The following MTCL2 variants were observed in gnomAD, a reference collection of about 807,000 sequenced individuals.
The protein encoded by MTCL2 is microtubule crosslinking factor 2.
chr20:36,815,733 T>C, the MTCL2 span: 1 of 1,594,760 alleles, frequency 6.3e-7, no homozygotes, highest in Non-Finnish European at 8.5e-7. This position sits in a 1 kb window ranked among gnomAD's most constrained non-coding sequence, Gnocchi z 5.3. Flanking sequence ...CAGCTCCTCC[T>C]GTGAAGGTTC....
chr20:36,863,229 G>C, the MTCL2 span: 73 of 1,201,540 alleles, frequency 6.1e-5, no homozygotes, highest in Non-Finnish European at 7.1e-5. The surrounding 1 kb of genome is among the most constrained non-coding windows in gnomAD (Gnocchi z 6.2). Context: ...CACGTCTTTG[G>C]GCCGGGCCGG....
At chr20:36,850,204 G>GCCTCCGT in the MTCL2 span, among the ~76,000 whole-genome samples, 14 of 152,156 alleles carry the variant, frequency 9.2e-5, no homozygotes, top group African/African-American at 3.4e-4. Flanking sequence ...TACTGCCTGG[G>GCCTCCGT]ACTCCTACTC....
chr20:36,832,319 C>T, the MTCL2 span, among the ~76,000 whole-genome samples: 7 of 152,306 alleles, frequency 4.6e-5, no homozygotes, highest in Admixed American at 1.3e-4. Context: ...TCTCCACCTG[C>T]GGGGATGCCC....
chr20:36,850,627 G>A, the MTCL2 span, among the ~76,000 whole-genome samples: 1 of 152,134 alleles, frequency 6.6e-6, no homozygotes, highest in Non-Finnish European at 1.5e-5. Flanking sequence ...TGCCTATGGT[G>A]GGCCAGATCC....
At chr20:36,863,472 C>A in the MTCL2 span, 1 of 636,290 alleles carries the variant, frequency 1.6e-6, no homozygotes, top group Non-Finnish European at 2.1e-6. This position sits in a 1 kb window ranked among gnomAD's most constrained non-coding sequence, Gnocchi z 6.2. Context: ...CACCTCGGCC[C>A]CGACACCGCG....
At chr20:36,841,874 G>GGTGGGT in the MTCL2 span, among the ~76,000 whole-genome samples, 1 of 110,768 alleles carries the variant, frequency 9.0e-6, no homozygotes, top group African/African-American at 3.2e-5. Context: ...TGGGGGGTGG[G>GGTGGGT]GTGTGTGTGT....
the MTCL2 span, among the ~76,000 whole-genome samples, chr20:36,796,512 T>C: frequency 6.6e-6 from 1 of 152,160 alleles, no homozygotes; most frequent in Non-Finnish European, 1.5e-5. Flanking sequence ...AGGATGCTGC[T>C]CAATAATCCC....
At chr20:36,812,761 G>T in the MTCL2 span, 1 of 1,613,964 alleles carries the variant, frequency 6.2e-7, no homozygotes, top group Non-Finnish European at 8.5e-7. Flanking sequence ...TCCGGCTGGG[G>T]TCGGGCTTAG....
chr20:36,782,262 G>A, the MTCL2 span: 1 of 152,250 alleles, frequency 6.6e-6, no homozygotes, highest in East Asian at 1.9e-4. Flanking sequence ...ACAAGGCTCA[G>A]TGATCTAGAA....
the MTCL2 span, among the ~76,000 whole-genome samples, chr20:36,834,482 C>T: frequency 6.6e-5 from 10 of 152,258 alleles, no homozygotes; most frequent in Admixed American, 2.0e-4. Context: ...CTCCTTGTAT[C>T]CGGTCTCAGC....
the MTCL2 span, chr20:36,863,079 G>A: frequency 7.1e-7 from 1 of 1,402,970 alleles, no homozygotes; most frequent in South Asian, 1.4e-5. The surrounding 1 kb of genome is among the most constrained non-coding windows in gnomAD (Gnocchi z 6.2). Flanking sequence ...GCGGACCCCG[G>A]CCACCCGCAC....
At chr20:36,815,534 T>A in the MTCL2 span, 1 of 1,574,322 alleles carries the variant, frequency 6.4e-7, no homozygotes, top group Non-Finnish European at 8.6e-7. The surrounding 1 kb of genome is among the most constrained non-coding windows in gnomAD (Gnocchi z 5.3). Flanking sequence ...GGGACTCGTG[T>A]GTCTCGCCCA....
At chr20:36,835,308 T>TGG in the MTCL2 span, among the ~76,000 whole-genome samples, 1 of 149,906 alleles carries the variant, frequency 6.7e-6, no homozygotes, top group South Asian at 2.1e-4. Context: ...AGCTGGGGGT[T>TGG]GGGGGGGGGC....
the MTCL2 span, among the ~76,000 whole-genome samples, chr20:36,812,006 T>C: frequency 4.4e-3 from 663 of 152,262 alleles, 7 homozygotes; most frequent in Middle Eastern, 0.037. Flanking sequence ...TCCCTGAGGA[T>C]CAAAGAATCC....
At chr20:36,863,360 C>T in the MTCL2 span, 1 of 1,164,852 alleles carries the variant, frequency 8.6e-7, no homozygotes. This position sits in a 1 kb window ranked among gnomAD's most constrained non-coding sequence, Gnocchi z 6.2. Context: ...CCTCCCTCGG[C>T]CTCAGCGAGC....
At chr20:36,802,911 C>T in the MTCL2 span, 1 of 1,571,902 alleles carries the variant, frequency 6.4e-7, no homozygotes, top group Non-Finnish European at 8.6e-7. Flanking sequence ...CTGCTTCTCA[C>T]CCTGCAGCCG....
chr20:36,784,208 C>G, the MTCL2 span: 1 of 986,338 alleles, frequency 1.0e-6, no homozygotes, highest in Non-Finnish European at 1.2e-6. Flanking sequence ...TGGAGATAAC[C>G]TTGGAGGGCC....
the MTCL2 span, among the ~76,000 whole-genome samples, chr20:36,862,233 C>A: frequency 2.0e-5 from 3 of 152,226 alleles, no homozygotes; most frequent in Admixed American, 2.0e-4. Context: ...TCAGGCCTTT[C>A]CTGGGCAGGG....
chr20:36,819,746 T>C, the MTCL2 span, among the ~76,000 whole-genome samples: 1 of 152,150 alleles, frequency 6.6e-6, no homozygotes, highest in Non-Finnish European at 1.5e-5. Flanking sequence ...CCAGATGGAC[T>C]CCTAAGTACA....
Sources: gnomAD v4.1 joint callset for allele counts (sites outside exome capture counted in the v4.1 genomes callset) on GRCh38, gnomAD v4.1.1 for gene constraint, Gnocchi (gnomAD v3.1) non-coding constraint, MANE v1.5 for transcripts, NCBI Gene and HGNC (gene_info 2026-07-23, HGNC 2026-07-21) for gene names.